Variants in NSDHL observed in about 807,000 individuals in gnomAD.
The protein encoded by NSDHL is sterol-4-alpha-carboxylate 3-dehydrogenase, decarboxylating.
In NSDHL, 1 loss-of-function variant was observed where a neutral mutation model predicts 23.0. The ratio of observed to expected loss-of-function variants is 0.04; its 90% CI spans 0.02 to 0.21. NSDHL has a LOEUF of 0.21. Ranked by LOEUF, NSDHL falls within the 10% of genes least tolerant of loss-of-function variation. The pLI is 1.00. For missense variants in NSDHL, 237 were observed against 300.9 expected (o/e 0.79, Z 1.57); for synonymous variants, 128 against 121.1 (o/e 1.06, Z -0.37).
chrX:152,850,844 C>T (rs1481998997), intron 3 of NSDHL, among the ~76,000 whole-genome samples: 1 of 112,259 alleles, frequency 8.9e-6, no homozygotes, highest in Non-Finnish European at 1.9e-5. Context: ...ATTTTCAGTA[C>T]ATCCACAAAG....
intron 1 of NSDHL, among the ~76,000 whole-genome samples, chrX:152,845,861 C>T (rs979697817): frequency 8.9e-6 from 1 of 112,408 alleles, no homozygotes; most frequent in African/African-American, 3.2e-5. Flanking sequence ...CAATTCCGTA[C>T]AGTTCGTGAT....
At position 152,869,284 on chromosome X, in the gene NSDHL, C is replaced by A; in HGVS notation, c.*168C>A. The A allele has an allele frequency of 2.0e-6, 1 of 496,901 alleles. No individual in the cohort carries two copies. Among genetic ancestry groups the A allele is most frequent in the Non-Finnish European group, 3.6e-6 (1 of 278,628 alleles). The allele number at this position is 496,901 out of a possible 1,213,427, so 41.0% of individuals were successfully genotyped here. A position where few individuals can be genotyped will look rare whatever the true frequency, so the allele number is the denominator to read the frequency against. ...TCCGTGACGATGAGGGCGGCAAAAA[C>A]AGACATTTCTTCCTTCATGGAACTG... On this transcript the variant is annotated 3_prime_UTR_variant, in exon 8 of 8. Transcript: ENST00000370274.
intron 3 of NSDHL, among the ~76,000 whole-genome samples, chrX:152,854,889 TAG>T (rs370112623): frequency 1.8e-3 from 179 of 101,436 alleles, no homozygotes; most frequent in Admixed American, 1.9e-3. Context: ...TTATAGTCAG[TAG>T]AGAGAGAGAG....
chrX:152,835,581 A>C (rs1439791618), intron 1 of NSDHL, among the ~76,000 whole-genome samples: 3 of 108,676 alleles, frequency 2.8e-5, no homozygotes, highest in Non-Finnish European at 5.7e-5. Flanking sequence ...TAGTTTGCTG[A>C]GAATGATAGT....
At chrX:152,842,541 C>T (rs1933209576) in intron 1 of NSDHL, among the ~76,000 whole-genome samples, 1 of 111,662 alleles carries the variant, frequency 9.0e-6, no homozygotes, top group African/African-American at 3.3e-5. Context: ...TTCTGTCGCC[C>T]AGGCTGGAGT....
intron 1 of NSDHL, among the ~76,000 whole-genome samples, chrX:152,833,353 C>A (rs1285439395): frequency 9.5e-6 from 1 of 105,740 alleles, no homozygotes; most frequent in Non-Finnish European, 1.9e-5. Context: ...GTCATTCCCC[C>A]CCGCCCACCA....
intron 1 of NSDHL, among the ~76,000 whole-genome samples, chrX:152,832,755 T>C (rs1175997072): frequency 1.8e-5 from 2 of 112,314 alleles, no homozygotes; most frequent in African/African-American, 6.5e-5. Context: ...GCTTAACCTC[T>C]CTGAGCCTGT....
intron 2 of NSDHL, among the ~76,000 whole-genome samples, chrX:152,849,745 C>T (rs1372574654): frequency 8.9e-6 from 1 of 112,679 alleles, no homozygotes; most frequent in East Asian, 2.8e-4. Flanking sequence ...CAGCCCAGCC[C>T]TGTTGTGGCC....
chrX:152,869,163 C>G lies in NSDHL; in HGVS notation c.*47C>G, dbSNP rs782201839. On this transcript the variant is annotated 3_prime_UTR_variant, in exon 8 of 8. Coordinates refer to ENST00000370274, the MANE Select transcript of NSDHL (RefSeq NM_015922.3). ...TCTCGACACGTTGCTCAGCCAGTCA[C>G]TCCTTCCCCTGTGGATTGATGAAAT... 8.9e-6 allele frequency: 9 copies of G among 1,005,617 alleles called. No individual in the cohort carries two copies. In the South Asian group the frequency reaches 1.6e-4, roughly 17 times the overall value. The allele number at this position is 1,005,617 out of a possible 1,213,427, so 82.9% of individuals were successfully genotyped here. A position where few individuals can be genotyped will look rare whatever the true frequency, so the allele number is the denominator to read the frequency against.
intron 1 of NSDHL, among the ~76,000 whole-genome samples, chrX:152,840,380 G>A (rs781997561): frequency 2.8e-4 from 31 of 112,300 alleles, no homozygotes; most frequent in Middle Eastern, 9.2e-3. Context: ...GAGGAGAAGA[G>A]GCACGCTGGT....
rs149672821 is a variant in NSDHL, at chrX:152,848,052, C to T, written c.108+1620C>T. On this transcript the variant is annotated intron_variant, in intron 2 of 7. Transcript: ENST00000370274. Reference sequence around the variant, plus strand: ...TAATTTTTTGTATTTTTAGTAGAGACGGGATTTCACCATGTTGGCCAGGCT... The same window carrying T: ...TAATTTTTTGTATTTTTAGTAGAGATGGGATTTCACCATGTTGGCCAGGCT... Among the ~76,000 whole-genome samples the T allele has an allele frequency of 8.8e-3, 966 of 109,648 alleles. 10 individuals carry two copies. Among genetic ancestry groups the T allele is most frequent in the African/African-American group, 0.03 (903 of 30,038 alleles).
At chrX:152,855,326 C>T (rs992210214) in intron 3 of NSDHL, among the ~76,000 whole-genome samples, 82 of 111,814 alleles carry the variant, frequency 7.3e-4, no homozygotes, top group African/African-American at 2.3e-3. Context: ...AAAGTCACCT[C>T]GGTCTTGTGC....
intron 3 of NSDHL, among the ~76,000 whole-genome samples, chrX:152,856,322 T>G (rs2125011810): frequency 8.9e-6 from 1 of 112,576 alleles, no homozygotes; most frequent in East Asian, 2.8e-4. Context: ...AATGTAACTG[T>G]CTCATTAAAG....
Position 152,868,819 on chromosome X carries a change from C to G in NSDHL, c.825C>G (p.Phe275Leu), listed in dbSNP as rs782652553. The change falls in exon 8 of 8, where the codon TTC (phenylalanine) becomes TTG (leucine). Residue 275 changes from phenylalanine to leucine, a missense_variant. Phe to Leu is a conservative substitution (Grantham distance 22). Around this residue, in one of 3 missense-constraint regions of NSDHL, gnomAD observed 117 missense variants for 99.5 expected, o/e 1.18. Coordinates refer to ENST00000370274, the MANE Select transcript of NSDHL (RefSeq NM_015922.3). ...TCACCAATGATGAGCCCATCCCTTT[C>G]TGGACATTCCTGTCTCGCATCCTGA... ...FHITNDEPIP[F>L]WTFLSRILTG... 2 of 1,211,368 alleles carry G rather than the reference C, an allele frequency of 1.7e-6. No homozygotes were observed. The highest frequency in any genetic ancestry group is 1.8e-5 in the South Asian group (1 of 57,003).
intron 4 of NSDHL, among the ~76,000 whole-genome samples, chrX:152,859,383 G>A (rs1371535269): frequency 9.0e-6 from 1 of 110,946 alleles, no homozygotes; most frequent in Non-Finnish European, 1.9e-5. Flanking sequence ...CTCCTCAATC[G>A]CCCTTCCCTA....
chrX:152,866,305 A>T (rs1273043414), intron 6 of NSDHL, among the ~76,000 whole-genome samples: 1 of 112,157 alleles, frequency 8.9e-6, no homozygotes, highest in Non-Finnish European at 1.9e-5. Flanking sequence ...CAGAGCCCCC[A>T]TGACCTAATC....
chrX:152,863,433 T>C (rs1933559061), intron 5 of NSDHL, among the ~76,000 whole-genome samples: 1 of 111,712 alleles, frequency 9.0e-6, no homozygotes, highest in African/African-American at 3.3e-5. Context: ...GCTATGGGAA[T>C]TTACAGCAGT....
intron 3 of NSDHL, among the ~76,000 whole-genome samples, chrX:152,854,889 TAGAGAG>T (rs370112623): frequency 9.8e-6 from 1 of 102,227 alleles, no homozygotes; most frequent in East Asian, 3.0e-4. Flanking sequence ...TTATAGTCAG[TAGAGAG>T]AGAGAGAGAG....
chrX:152,832,667 C>T (rs1250237925), intron 1 of NSDHL, among the ~76,000 whole-genome samples: 1 of 111,826 alleles, frequency 8.9e-6, no homozygotes, highest in East Asian at 2.8e-4. Context: ...ACCTGCAGAT[C>T]GGAAGCCTGA....
Sources: gnomAD v4.1 joint callset for allele counts (sites outside exome capture counted in the v4.1 genomes callset) on GRCh38, gnomAD v4.1.1 for gene constraint, gnomAD v4.1.1 regional missense constraint, MANE v1.5 for transcripts, NCBI Gene and HGNC (gene_info 2026-07-23, HGNC 2026-07-21) for gene names.